The following PCDHA4 variants were observed in gnomAD, a reference collection of about 807,000 sequenced individuals.
The protein encoded by PCDHA4 is protocadherin alpha 4.
Under a neutral mutation model 61.4 loss-of-function variants are expected in PCDHA4, and 49 were observed. That is an observed-to-expected ratio of 0.80 (90% confidence interval 0.63 to 1.01). The LOEUF (loss-of-function observed/expected upper bound fraction) is 1.01, where lower values mean the gene tolerates loss of function less well. Among genes scored for constraint, PCDHA4 ranks in the 50% least tolerant of loss-of-function variants. PCDHA4 has a pLI of 0.00. For synonymous variants in PCDHA4, 590 were observed against 550.3 expected, an observed-to-expected ratio of 1.07 and a Z score of -1.01; for missense variants, 1,254 against 1,235.8, an observed-to-expected ratio of 1.01 and a Z score of -0.22.
chr5:140,967,090 G>A (rs1320117719), intron 1 of PCDHA4: 2 of 1,613,240 alleles, frequency 1.2e-6, no homozygotes, highest in African/African-American at 2.7e-5. Context: ...TTGATCGGGA[G>A]GCGCTGTGTG....
At chr5:140,843,414 T>C (rs2150359498) in intron 1 of PCDHA4, 4 of 1,596,080 alleles carry the variant, frequency 2.5e-6, no homozygotes, top group Non-Finnish European at 3.4e-6. Context: ...GATGTCAACG[T>C]GTACCTGATC....
At chr5:140,952,972 A>G (rs1206326487) in intron 1 of PCDHA4, among the ~76,000 whole-genome samples, 1 of 152,074 alleles carries the variant, frequency 6.6e-6, no homozygotes, top group Non-Finnish European at 1.5e-5. Context: ...CACACTTTTA[A>G]ACAACAAGAT....
intron 1 of PCDHA4, among the ~76,000 whole-genome samples, chr5:140,945,480 C>A (rs2093795468): frequency 6.6e-6 from 1 of 151,728 alleles, no homozygotes; most frequent in South Asian, 2.1e-4. Context: ...CACAAAACAC[C>A]CCAAATACCC....
chr5:140,884,217 T>A (rs782181432), intron 1 of PCDHA4: 4 of 1,613,448 alleles, frequency 2.5e-6, no homozygotes, highest in Non-Finnish European at 3.4e-6. Flanking sequence ...CTTCTGGTGC[T>A]GGTGAAGGAC....
chr5:141,004,414 C>A (rs2153980954), intron 3 of PCDHA4, among the ~76,000 whole-genome samples: 1 of 152,330 alleles, frequency 6.6e-6, no homozygotes, highest in Non-Finnish European at 1.5e-5. Context: ...CTGACTAGAT[C>A]TCTGCCTCCT....
intron 1 of PCDHA4, among the ~76,000 whole-genome samples, chr5:140,938,121 A>C (rs981387543): frequency 6.6e-6 from 1 of 151,892 alleles, no homozygotes; most frequent in South Asian, 2.1e-4. Flanking sequence ...CTCTTTTTTT[A>C]AAAAAATAGA....
chr5:140,969,068 A>C (rs2096293164), intron 1 of PCDHA4: 2 of 1,614,046 alleles, frequency 1.2e-6, no homozygotes, highest in South Asian at 2.2e-5. Flanking sequence ...TGATGCCAGG[A>C]TACCGCATGG....
intron 1 of PCDHA4, chr5:140,842,572 A>C (rs2150339542): frequency 0.42 from 640,316 of 1,537,946 alleles, 166,648 homozygotes; most frequent in South Asian, 0.52. Context: ...ACCGCGAGAG[A>C]GTGTCGGCCT....
Position 140,841,535 on chromosome 5 carries a change from C to G in PCDHA4, c.2385+31963C>G, listed in dbSNP as rs146057065. ...GTTCCGGGTGGCGTCCAAAAGACAC[C>G]GGGACCTTCTGGAGGTAAGTCTGCA... On this transcript the variant is annotated intron_variant, in intron 1 of 3. Transcript: ENST00000530339. 2.9e-4 allele frequency: 467 copies of G among 1,613,646 alleles called. 2 individuals are homozygous for G. The highest frequency in any genetic ancestry group is 2.5e-4 in the Admixed American group (15 of 60,006).
intron 1 of PCDHA4, among the ~76,000 whole-genome samples, chr5:140,952,282 C>A (rs12187982): frequency 0.12 from 17,942 of 151,036 alleles, 1,209 homozygotes; most frequent in Middle Eastern, 0.19. Context: ...AGGGTGGTGG[C>A]CCTCTTCTCA....
Position 140,830,013 on chromosome 5 carries a change from A to T in PCDHA4, c.2385+20441A>T, listed in dbSNP as rs2150179527. The T allele has an allele frequency of 5.0e-6, 8 of 1,613,332 alleles. No homozygotes were observed. The Admixed American group carries it at 1.0e-4, about 20-fold the overall frequency. On this transcript the variant is annotated intron_variant, in intron 1 of 3. Coordinates refer to ENST00000530339, the MANE Select transcript of PCDHA4 (RefSeq NM_018907.4). ...ACCACTCGTGTCCTGGACGAAGCGG[A>T]CTCTCCGCGCCACCGGCTGCTGGTG...
At chr5:141,004,168 C>T (rs2098156227) in intron 3 of PCDHA4, among the ~76,000 whole-genome samples, 1 of 152,226 alleles carries the variant, frequency 6.6e-6, no homozygotes, top group Admixed American at 6.5e-5. Context: ...GCAAAGCCAG[C>T]CAAGTGTCTT....
chr5:140,857,551 C>G (rs781926711), intron 1 of PCDHA4: 5 of 1,596,944 alleles, frequency 3.1e-6, no homozygotes. Flanking sequence ...TGGGCGAGCG[C>G]TCGCTGTCGA....
intron 1 of PCDHA4, among the ~76,000 whole-genome samples, chr5:140,904,137 G>A (rs2070857554): frequency 6.6e-6 from 1 of 152,040 alleles, no homozygotes; most frequent in African/African-American, 2.4e-5. Context: ...CATCACCCGA[G>A]CAGTATACAT....
rs797023184 is a variant in PCDHA4 at position 140,941,202 on chromosome 5, CCTTT to C, written c.2386-37739_2386-37736del. The stretch of plus-strand genomic sequence containing the variant: ...TCCTGCTTCTTTTTTTTTCTTTCTT[CCTTT>C]CTTTCTTCCTTTCTTTCTTTCTTTC... On this transcript the variant is annotated intron_variant, in intron 1 of 3. Transcript: ENST00000530339. Among the ~76,000 whole-genome samples, 914 of 122,710 alleles carry C rather than the reference CCTTT, an allele frequency of 7.4e-3. 14 individuals are homozygous for C. The highest frequency in any genetic ancestry group is 0.013 in the African/African-American group (444 of 33,832). The allele number at this position is 122,710 out of a possible 152,430, so 80.5% of individuals were successfully genotyped here. A position where few individuals can be genotyped will look rare whatever the true frequency, so the allele number is the denominator to read the frequency against.
chr5:140,841,817 T>C, intron 1 of PCDHA4: 1 of 1,613,922 alleles, frequency 6.2e-7, no homozygotes. Flanking sequence ...TGGAGCTAAC[T>C]CCGTGTTAAC....
At chr5:140,876,980 C>T (rs782646541) in intron 1 of PCDHA4, 18 of 1,612,542 alleles carry the variant, frequency 1.1e-5, no homozygotes, top group Admixed American at 1.7e-5. Flanking sequence ...GGCGAGCACG[C>T]ACTGTCGAGC....
intron 1 of PCDHA4, chr5:140,863,140 C>T: frequency 1.6e-6 from 1 of 606,732 alleles, no homozygotes; most frequent in Non-Finnish European, 3.2e-6. Flanking sequence ...CCTGCTGGTG[C>T]TGGTGAAGGA....
chr5:140,950,646 G>T (rs1221939583), intron 1 of PCDHA4, among the ~76,000 whole-genome samples: 2 of 151,884 alleles, frequency 1.3e-5, no homozygotes, highest in African/African-American at 4.8e-5. Context: ...TCCTGTTTAT[G>T]GTTGGCTGAG....
Sources: gnomAD v4.1 joint callset for allele counts (sites outside exome capture counted in the v4.1 genomes callset) on GRCh38, gnomAD v4.1.1 for gene constraint, MANE v1.5 for transcripts, NCBI Gene and HGNC (gene_info 2026-07-23, HGNC 2026-07-21) for gene names.